ADAMTS17: variants seen among roughly 807,000 people sequenced by gnomAD.
ADAMTS17 encodes the protein ADAM metallopeptidase with thrombospondin type 1 motif 17.
A neutral mutation model predicts 141.5 loss-of-function variants in ADAMTS17; 113 were observed. The ratio of observed to expected loss-of-function variants is 0.80; its 90% confidence interval spans 0.69 to 0.93. ADAMTS17 has a LOEUF of 0.93. Ranked by LOEUF, ADAMTS17 falls within the 40% of genes least tolerant of loss-of-function variation. The pLI is 0.00. For synonymous variants in ADAMTS17, 768 were observed against 630.6 expected, an observed-to-expected ratio of 1.22 and a Z score of -3.27; for missense variants, 1,659 against 1,517.9, an observed-to-expected ratio of 1.09 and a Z score of -1.54.
intron 4 of ADAMTS17, among the ~76,000 whole-genome samples, chr15:100,267,497 C>T (rs1197340314): frequency 2.0e-5 from 3 of 151,908 alleles, no homozygotes; most frequent in Non-Finnish European, 2.9e-5. Flanking sequence ...TTTTTATTTT[C>T]GTGGTAAGTC....
chr15:100,035,808 G>A (rs1193622088), intron 18 of ADAMTS17, among the ~76,000 whole-genome samples: 1 of 152,122 alleles, frequency 6.6e-6, no homozygotes, highest in Non-Finnish European at 1.5e-5. Context: ...AAGAACCTGG[G>A]AGTAAGTAGT....
chr15:100,213,886 G>T (rs2041886953), intron 7 of ADAMTS17, among the ~76,000 whole-genome samples: 1 of 152,248 alleles, frequency 6.6e-6, no homozygotes, highest in Non-Finnish European at 1.5e-5. Context: ...TCAGATAGAG[G>T]TGCTGAGCCC....
chr15:100,239,831 C>CA (rs1372534727), intron 7 of ADAMTS17, among the ~76,000 whole-genome samples: 2 of 152,174 alleles, frequency 1.3e-5, no homozygotes, highest in Non-Finnish European at 1.5e-5. Flanking sequence ...CAGGGCCTTA[C>CA]AACCCCTGGA....
chr15:100,048,779 T>G, intron 18 of ADAMTS17, 78 bp downstream of exon 18: 2 of 1,602,838 alleles, frequency 1.2e-6, no homozygotes, highest in East Asian at 2.2e-5. Context: ...TGGCATTAAC[T>G]GCATATCACT....
At chr15:100,185,326 C>T (rs1222679050) in intron 8 of ADAMTS17, among the ~76,000 whole-genome samples, 1 of 151,266 alleles carries the variant, frequency 6.6e-6, no homozygotes, top group Non-Finnish European at 1.5e-5. Context: ...GTGAGATCTA[C>T]CACTGCTCAA....
At chr15:100,027,019 G>A (rs1394340233) in intron 18 of ADAMTS17, among the ~76,000 whole-genome samples, 1 of 152,214 alleles carries the variant, frequency 6.6e-6, no homozygotes, top group Non-Finnish European at 1.5e-5. Flanking sequence ...ATCACATTGT[G>A]TTTTAATGTG....
At chr15:100,335,208 G>A (rs546994368) in intron 2 of ADAMTS17, among the ~76,000 whole-genome samples, 2 of 152,266 alleles carry the variant, frequency 1.3e-5, no homozygotes, top group South Asian at 4.1e-4. Flanking sequence ...CCGGCTCAAG[G>A]TTGAGAACCA....
At chr15:100,101,611 T>C (rs896467683) in intron 14 of ADAMTS17, among the ~76,000 whole-genome samples, 5 of 152,226 alleles carry the variant, frequency 3.3e-5, no homozygotes, top group Admixed American at 6.5e-5. Context: ...ATTCTTTGTA[T>C]TCTTGGCCTT....
rs2045737948 is a variant in ADAMTS17 at position 100,321,663 on chromosome 15, C to G, written c.616+9226G>C. Among the ~76,000 whole-genome samples, 3 of 152,194 alleles carry G rather than the reference C, an allele frequency of 2.0e-5. 1 individual carries two copies. The highest frequency in any genetic ancestry group is 2.0e-4 in the Admixed American group (3 of 15,282). ...GCTCACCAGCCGTACAGCTCATACA[C>G]CTGTGTGCACCAAACAATACTGCCT... On this transcript the variant is annotated intron_variant, in intron 3 of 21. Transcript: ENST00000268070.
intron 13 of ADAMTS17, among the ~76,000 whole-genome samples, chr15:100,112,478 G>A (rs559485668): frequency 2.0e-5 from 3 of 152,114 alleles, no homozygotes; most frequent in Non-Finnish European, 4.4e-5. Flanking sequence ...TTTTTAAAAT[G>A]TGAGGAGGAG....
rs938051124 is a variant in ADAMTS17 at position 99,974,078 on chromosome 15, T to TCAAGA, written c.*319_*323dup. The TCAAGA allele has an allele frequency of 9.9e-5, 41 of 414,400 alleles. No individual in the cohort carries two copies. The Middle Eastern group carries it at 2.2e-3, about 22-fold the overall frequency. The allele number at this position is 414,400 out of a possible 1,614,324, so 25.7% of individuals were successfully genotyped here. ...TGGAAATTCAAATGTCAAAAGCGAG[T>TCAAGA]CAAGACAAGAACACTAAATGATGTC... On this transcript the variant is annotated 3_prime_UTR_variant, in exon 22 of 22. Coordinates refer to ENST00000268070, the MANE Select transcript of ADAMTS17 (RefSeq NM_139057.4).
intron 2 of ADAMTS17, among the ~76,000 whole-genome samples, chr15:100,339,652 C>T (rs1469248503): frequency 8.9e-6 from 1 of 112,764 alleles, no homozygotes; most frequent in African/African-American, 3.3e-5. Flanking sequence ...GGTCCACATT[C>T]CCCGCCCCAG....
At chr15:100,290,319 C>G (rs890073481) in intron 3 of ADAMTS17, among the ~76,000 whole-genome samples, 4 of 152,138 alleles carry the variant, frequency 2.6e-5, no homozygotes, top group Non-Finnish European at 5.9e-5. Flanking sequence ...AAAATCTCTA[C>G]AGTGAGAACT....
chr15:100,119,061 C>CAG (rs1555455155), intron 12 of ADAMTS17, among the ~76,000 whole-genome samples: 1 of 151,952 alleles, frequency 6.6e-6, no homozygotes, highest in Non-Finnish European at 1.5e-5. Flanking sequence ...CACACACACA[C>CAG]AGAGACAGGC....
chr15:100,133,392 C>T (rs993799117), intron 10 of ADAMTS17, 77 bp from the exon 11 acceptor site: 60 of 1,416,582 alleles, frequency 4.2e-5, no homozygotes, highest in Non-Finnish European at 5.4e-5. Flanking sequence ...AGAGGTGTGG[C>T]CCAACCACTG....
intron 13 of ADAMTS17, among the ~76,000 whole-genome samples, chr15:100,110,485 C>T (rs2036704203): frequency 6.6e-6 from 1 of 151,746 alleles, no homozygotes; most frequent in Admixed American, 6.6e-5. Context: ...AGGGTGGTCT[C>T]GATCTCCTGA....
At chr15:100,123,672 T>C (rs927150445) in intron 12 of ADAMTS17, among the ~76,000 whole-genome samples, 1 of 152,230 alleles carries the variant, frequency 6.6e-6, no homozygotes, top group Non-Finnish European at 1.5e-5. Context: ...TAAATCCACA[T>C]GCAGAATCAG....
At chr15:100,079,198 G>T (rs993673280) in intron 15 of ADAMTS17, among the ~76,000 whole-genome samples, 5 of 152,024 alleles carry the variant, frequency 3.3e-5, no homozygotes, top group Admixed American at 1.3e-4. Context: ...TCCATTCCCA[G>T]GTATATACAC....
chr15:100,206,094 T>C (rs547047375), intron 7 of ADAMTS17, among the ~76,000 whole-genome samples: 1 of 152,312 alleles, frequency 6.6e-6, no homozygotes, highest in Non-Finnish European at 1.5e-5. Context: ...CATGGGTGGC[T>C]CCCTGTGTGG....
Sources: allele counts gnomAD v4.1 joint callset (sites outside exome capture counted in the v4.1 genomes callset), GRCh38; gene constraint gnomAD v4.1.1; transcripts MANE v1.5; gene names NCBI Gene and HGNC (gene_info 2026-07-23, HGNC 2026-07-21).